Variants in RHEX observed in about 807,000 individuals in gnomAD.
The protein encoded by RHEX is regulator of hemoglobinization and erythroid cell expansion.
A neutral mutation model predicts 20.1 loss-of-function variants in RHEX; 18 were observed. The ratio of observed to expected loss-of-function variants is 0.90; its 90% CI spans 0.62 to 1.33. The LOEUF (loss-of-function observed/expected upper bound fraction) is 1.33. Ranked by LOEUF, RHEX falls within the 40% of genes most tolerant of loss-of-function variation. The pLI is 0.00. For synonymous variants in RHEX, 87 were observed against 77.1 expected, an observed-to-expected ratio of 1.13 and a Z score of -0.67; for missense variants, 192 against 214.3, an observed-to-expected ratio of 0.90 and a Z score of 0.65.
Position 206,098,113 on chromosome 1 carries a change from C to A in RHEX, c.44C>A (p.Ala15Glu). The change falls in exon 3 of 6, where the codon GCG (alanine) becomes GAG (glutamate). Residue 15 changes from alanine (A) to glutamate (E), a missense_variant. By Grantham distance (107) the Ala-to-Glu change is moderately radical. Transcript: ENST00000331555. Reference sequence around the variant, plus strand: ...GAGGTCTGGCATGGCTTAGTGATCGCGGTGGTGTCCCTCTTCCTGCAGGCC... The same window carrying A: ...GAGGTCTGGCATGGCTTAGTGATCGAGGTGGTGTCCCTCTTCCTGCAGGCC... Reference protein sequence around the residue: ...VMEVWHGLVIAVVSLFLQACF... With the variant: ...VMEVWHGLVIEVVSLFLQACF... 1.2e-6 allele frequency: 2 copies of A among 1,614,074 alleles called. No homozygotes were observed. The highest frequency in any genetic ancestry group is 1.7e-6 in the Non-Finnish European group (2 of 1,179,914).
chr1:206,064,667 C>A (rs1228800224), intron 1 of RHEX, among the ~76,000 whole-genome samples: 9 of 147,470 alleles, frequency 6.1e-5, no homozygotes, highest in Non-Finnish European at 1.0e-4. Flanking sequence ...GGGTCAGCCC[C>A]CCGCCCGGCC....
At chr1:206,055,884 C>T (rs1371036122) in intron 1 of RHEX, among the ~76,000 whole-genome samples, 2 of 152,278 alleles carry the variant, frequency 1.3e-5, no homozygotes, top group African/African-American at 4.8e-5. Flanking sequence ...ATGAGGTTTC[C>T]AAACGCTGGC....
At chr1:206,064,051 C>G (rs1571854098) in intron 1 of RHEX, among the ~76,000 whole-genome samples, 2 of 150,764 alleles carry the variant, frequency 1.3e-5, no homozygotes, top group East Asian at 2.0e-4. Context: ...GCCGCCCCGT[C>G]TGGGATGTGA....
At chr1:206,091,557 A>C (rs964847795) in intron 1 of RHEX, among the ~76,000 whole-genome samples, 3 of 152,150 alleles carry the variant, frequency 2.0e-5, no homozygotes, top group Non-Finnish European at 4.4e-5. Context: ...AATTTTAAAA[A>C]TTTGCCCTAT....
rs188857923 is a variant in RHEX, at chr1:206,069,909, G to A, written c.-97+16644G>A. 3.9e-5 allele frequency among the ~76,000 whole-genome samples: 6 copies of A among 151,950 alleles called. No individual in the cohort carries two copies. In the East Asian group the frequency reaches 7.7e-4, roughly 20 times the overall value. On this transcript the variant is annotated intron_variant, in intron 1 of 5. Transcript: ENST00000331555. ...CAATTTCCTTGGGAGCTTAGAGGAC[G>A]GACAAATAAAAAGATTATTTCAACA...
rs1263284022 is a variant in RHEX, at chr1:206,060,912, T to C, written c.-97+7647T>C. 2.0e-5 allele frequency: 3 copies of C among 151,994 alleles called. No homozygotes were observed. In the East Asian group the frequency reaches 5.8e-4, roughly 29 times the overall value. The allele number at this position is 151,994 out of a possible 1,614,324, so 9.4% of individuals were successfully genotyped here. A position where few individuals can be genotyped will look rare whatever the true frequency, so the allele number is the denominator to read the frequency against. ...GGCAGAGATTGGGGTGTTTTTCCTA[T>C]GGGGCAGTCTTGTCGGGGAGGGGAG... On this transcript the variant is annotated intron_variant, in intron 1 of 5. Transcript: ENST00000331555.
At chr1:206,073,366 T>C (rs1004086152) in intron 1 of RHEX, among the ~76,000 whole-genome samples, 4 of 152,196 alleles carry the variant, frequency 2.6e-5, no homozygotes, top group Non-Finnish European at 5.9e-5. Flanking sequence ...GCAACAATCA[T>C]GATGATGATG....
intron 1 of RHEX, among the ~76,000 whole-genome samples, chr1:206,096,336 A>C (rs1553287650): frequency 6.6e-6 from 1 of 152,280 alleles, no homozygotes; most frequent in East Asian, 1.9e-4. Context: ...GATTAAGGAC[A>C]AATGAGATAT....
At chr1:206,068,427 A>G (rs1662469726) in intron 1 of RHEX, among the ~76,000 whole-genome samples, 1 of 152,232 alleles carries the variant, frequency 6.6e-6, no homozygotes, top group Admixed American at 6.5e-5. Context: ...CTGAACACAG[A>G]CATGCCTTAT....
In RHEX at chr1:206,101,869, C is replaced by T; in HGVS notation, c.436C>T (p.Pro146Ser). ...KEITDYVNVNPERHKPSFWYF... is the reference protein window; with the variant it reads ...KEITDYVNVNSERHKPSFWYF... ...AATCACAGATTATGTCAATGTCAAT[C>T]CAGAAAGACACAAGCCCAGTTTCTG... The change falls in exon 6 of 6, where the codon CCA becomes TCA. Residue 146 changes from proline (P) to serine (S), a missense_variant. Pro to Ser is a moderately conservative substitution (Grantham distance 74). Coordinates refer to ENST00000331555, the MANE Select transcript of RHEX (RefSeq NM_001007544.4). The T allele has an allele frequency of 6.2e-7, 1 of 1,614,018 alleles. No homozygotes were observed. The highest frequency in any genetic ancestry group is 8.5e-7 in the Non-Finnish European group (1 of 1,179,930).
chr1:206,084,458 C>T (rs1250863284), intron 1 of RHEX, among the ~76,000 whole-genome samples: 4 of 152,244 alleles, frequency 2.6e-5, no homozygotes, highest in African/African-American at 7.2e-5. Context: ...GAAACTGAGG[C>T]GCCATGGTGT....
intron 1 of RHEX, among the ~76,000 whole-genome samples, chr1:206,057,947 A>G (rs1662225674): frequency 6.6e-6 from 1 of 152,300 alleles, no homozygotes; most frequent in African/African-American, 2.4e-5. Flanking sequence ...GCCTGGCAAG[A>G]GACTATGATG....
intron 3 of RHEX, 140 bp downstream of exon 3, chr1:206,098,321 C>G: frequency 3.2e-6 from 2 of 630,526 alleles, no homozygotes; most frequent in Non-Finnish European, 5.8e-6. Flanking sequence ...TTCCTTCCCA[C>G]CGCTCCCCCT....
intron 1 of RHEX, among the ~76,000 whole-genome samples, chr1:206,064,201 G>A (rs189644678): frequency 6.9e-5 from 9 of 129,906 alleles, no homozygotes; most frequent in African/African-American, 9.2e-5. Context: ...CCCGGCAGCC[G>A]CCCCGTCTGG....
chr1:206,101,667 G>A, intron 5 of RHEX, 85 bp from the exon 6 acceptor site: 1 of 1,065,308 alleles, frequency 9.4e-7, no homozygotes, highest in Non-Finnish European at 1.4e-6. Flanking sequence ...GGCGAATCTT[G>A]TTGAGTAAGA....
intron 1 of RHEX, among the ~76,000 whole-genome samples, chr1:206,057,403 G>A (rs1472775099): frequency 6.6e-6 from 1 of 152,228 alleles, no homozygotes; most frequent in Admixed American, 6.5e-5. Context: ...AGAAGGAAAA[G>A]GATTTACTCA....
chr1:206,076,572 G>A (rs1374554424), intron 1 of RHEX, among the ~76,000 whole-genome samples: 1 of 152,202 alleles, frequency 6.6e-6, no homozygotes, highest in Non-Finnish European at 1.5e-5. Context: ...CTTGTTCCTT[G>A]ACAACTGTTC....
rs142133048 is a variant in RHEX, at chr1:206,071,265, C to T, written c.-97+18000C>T. Among the ~76,000 whole-genome samples the T allele has an allele frequency of 8.8e-3, 1,332 of 152,188 alleles. 5 individuals carry two copies. Among genetic ancestry groups the T allele is most frequent in the Non-Finnish European group, 0.013 (909 of 68,004 alleles). ...TCCAGCACGAGAGAAAGATGAAGGC[C>T]GGAAGACTCAGGCCAGTCTAGCCCT... On this transcript the variant is annotated intron_variant, in intron 1 of 5. Coordinates refer to ENST00000331555, the MANE Select transcript of RHEX (RefSeq NM_001007544.4).
intron 5 of RHEX, 99 bp from the exon 6 acceptor site, chr1:206,101,653 C>A: frequency 1.1e-6 from 1 of 909,418 alleles, no homozygotes; most frequent in Non-Finnish European, 1.7e-6. Context: ...CCCACCAAGC[C>A]ATGGGCGAAT....
Sources: allele counts gnomAD v4.1 joint callset (sites outside exome capture counted in the v4.1 genomes callset), GRCh38; gene constraint gnomAD v4.1.1; transcripts MANE v1.5; gene names NCBI Gene and HGNC (gene_info 2026-07-23, HGNC 2026-07-21).